The following TAFA5 variants were observed in gnomAD, a reference collection of about 807,000 sequenced individuals.
TAFA5 encodes the protein TAFA chemokine like family member 5, also known as chemokine-like protein TAFA-5.
In TAFA5, 6 loss-of-function variants were observed where a neutral mutation model predicts 15.3. The observed-to-expected ratio is 0.39, with a 90% CI of 0.21 to 0.77. The LOEUF (loss-of-function observed/expected upper bound fraction) is 0.77. TAFA5 is among the 30% of genes least tolerant of loss of function. The probability of loss-of-function intolerance (pLI) is 0.41; values close to 1 mark genes in which losing one functional copy is unlikely to be tolerated. For missense variants in TAFA5, 161 were observed against 193.1 expected (o/e 0.83, Z 0.98); for synonymous variants, 103 against 80.7 (o/e 1.28, Z -1.48).
chr22:48,702,944 G>C (rs1200776275), intron 2 of TAFA5, among the ~76,000 whole-genome samples: 1 of 152,238 alleles, frequency 6.6e-6, no homozygotes, highest in African/African-American at 2.4e-5. Flanking sequence ...CCTCGGGAGG[G>C]CCAGGCCCAG....
chr22:48,596,833 G>A (rs1291508179), intron 1 of TAFA5, among the ~76,000 whole-genome samples: 1 of 152,012 alleles, frequency 6.6e-6, no homozygotes, highest in Non-Finnish European at 1.5e-5. Flanking sequence ...TTTTGAGACA[G>A]GGTCTCCTTC....
At chr22:48,585,008 A>G (rs1182248425) in intron 1 of TAFA5, among the ~76,000 whole-genome samples, 1 of 147,224 alleles carries the variant, frequency 6.8e-6, no homozygotes, top group Non-Finnish European at 1.5e-5. Context: ...CACACACCAC[A>G]TGCAGAATAC....
At chr22:48,539,661 C>T (rs1391225652) in intron 1 of TAFA5, among the ~76,000 whole-genome samples, 2 of 152,136 alleles carry the variant, frequency 1.3e-5, no homozygotes, top group Non-Finnish European at 2.9e-5. Flanking sequence ...GGCCTGCCCA[C>T]GGGAACAGAG....
chr22:48,572,595 A>G (rs1482458164), intron 1 of TAFA5, among the ~76,000 whole-genome samples: 1 of 152,202 alleles, frequency 6.6e-6, no homozygotes, highest in African/African-American at 2.4e-5. Flanking sequence ...CTCCAGAAGC[A>G]GGTTCCTGGC....
Position 48,736,051 on chromosome 22 carries a change from C to T in TAFA5, c.391-13788C>T, listed in dbSNP as rs1430250653. 6.0e-5 allele frequency among the ~76,000 whole-genome samples: 5 copies of T among 82,854 alleles called. No individual in the cohort carries two copies. The South Asian group carries it at 2.6e-3, about 42-fold the overall frequency. The allele number at this position is 82,854 out of a possible 152,430, so 54.4% of individuals were successfully genotyped here. ...AATCGCACTCCTAGGGTCCCTCCCC[C>T]CAGGAGGAATGAGAATCGCACTCCT... On this transcript the variant is annotated intron_variant, in intron 3 of 3. Coordinates refer to ENST00000402357, the MANE Select transcript of TAFA5 (RefSeq NM_001082967.3).
chr22:48,489,685 C>A lies in TAFA5; in HGVS notation c.93C>A (p.Ser31Arg). ...STFWAFMILA[S>R]LLIAYCSQLA... ...TCTGGGCGTTCATGATCCTGGCCAG[C>A]CTGCTCATCGCCTACTGCAGTGAGT... Residue 31 changes from serine to arginine, a missense_variant, in exon 1 of 4, where the codon AGC (serine) becomes AGA (arginine). Transcript: ENST00000402357. The surrounding 1 kb of genome is among the most constrained non-coding windows in gnomAD (Gnocchi z 5.5). The A allele has an allele frequency of 6.6e-7, 1 of 1,518,026 alleles. No individual in the cohort carries two copies. Among genetic ancestry groups the A allele is most frequent in the Non-Finnish European group, 8.8e-7 (1 of 1,131,728 alleles). 94.0% of individuals were successfully genotyped at this position (1,518,026 alleles called of 1,614,324 possible).
chr22:48,548,286 T>C (rs1159886177), intron 1 of TAFA5, among the ~76,000 whole-genome samples: 1 of 152,150 alleles, frequency 6.6e-6, no homozygotes, highest in Non-Finnish European at 1.5e-5. Context: ...GCAGCTGCAG[T>C]CCCGAAGCTG....
chr22:48,578,529 T>C (rs1923904495), intron 1 of TAFA5, among the ~76,000 whole-genome samples: 1 of 152,204 alleles, frequency 6.6e-6, no homozygotes, highest in Non-Finnish European at 1.5e-5. Flanking sequence ...ATGTTTACCT[T>C]GAAGCAGACA....
intron 1 of TAFA5, among the ~76,000 whole-genome samples, chr22:48,492,396 T>C (rs902182257): frequency 5.3e-5 from 8 of 152,242 alleles, no homozygotes; most frequent in African/African-American, 1.7e-4. Flanking sequence ...TGTGTTTCTC[T>C]GCAACACATA....
chr22:48,750,041 G>A lies in TAFA5; in HGVS notation c.*194G>A. ...CGGTCTGTCCAGCCGACCCGAGGAG[G>A]CCGGACTCAGACACATAGGCGGGGG... On this transcript the variant is annotated 3_prime_UTR_variant, in exon 4 of 4. Coordinates refer to ENST00000402357, the MANE Select transcript of TAFA5 (RefSeq NM_001082967.3). 2 of 616,710 alleles carry A rather than the reference G, an allele frequency of 3.2e-6. No homozygotes were observed. The highest frequency in any genetic ancestry group is 5.7e-6 in the Non-Finnish European group (2 of 349,226). 38.2% of individuals were successfully genotyped at this position (616,710 alleles called of 1,614,324 possible).
chr22:48,535,732 CGGCACATCACACGCACGGTCACACT>C (rs1446960277), intron 1 of TAFA5, among the ~76,000 whole-genome samples: 1 of 150,470 alleles, frequency 6.6e-6, no homozygotes, highest in African/African-American at 2.5e-5. Context: ...ACAGTCACAC[CGGCACATCACACGCACGGTCACACT>C]GGCACATGTA....
rs73437810 is a variant in TAFA5 at position 48,699,787 on chromosome 22, G to T, written c.263-7930G>T. Among the ~76,000 whole-genome samples, 1,117 of 152,324 alleles carry T rather than the reference G, an allele frequency of 7.3e-3. 6 individuals are homozygous for T. The highest frequency in any genetic ancestry group is 0.015 in the African/African-American group (644 of 41,572). On this transcript the variant is annotated intron_variant, in intron 2 of 3. Transcript: ENST00000402357. ...ATTATTGCAGCGACTGCGAACAGAAGAAATGTTCATTGCATATTTACTGCT... is the reference window on the plus strand; with the variant it reads ...ATTATTGCAGCGACTGCGAACAGAATAAATGTTCATTGCATATTTACTGCT...
chr22:48,534,726 G>A (rs988384880), intron 1 of TAFA5, among the ~76,000 whole-genome samples: 7 of 152,310 alleles, frequency 4.6e-5, no homozygotes, highest in Admixed American at 6.5e-5. Flanking sequence ...ACCCTGGAAC[G>A]GGGGGAGGGG....
chr22:48,579,410 C>T (rs1923947990), intron 1 of TAFA5, among the ~76,000 whole-genome samples: 1 of 152,202 alleles, frequency 6.6e-6, no homozygotes, highest in Admixed American at 6.5e-5. Flanking sequence ...GCCGTCCTTT[C>T]TTCTGAACTG....
chr22:48,635,977 C>T (rs374207968), intron 1 of TAFA5, among the ~76,000 whole-genome samples: 310 of 152,330 alleles, frequency 2.0e-3, no homozygotes, highest in African/African-American at 7.1e-3. Flanking sequence ...GTCCAGGGCG[C>T]CTTCCTCCTC....
At chr22:48,663,989 C>T (rs1421620848) in intron 2 of TAFA5, among the ~76,000 whole-genome samples, 1 of 152,146 alleles carries the variant, frequency 6.6e-6, no homozygotes, top group Non-Finnish European at 1.5e-5. Context: ...GGAAAAAAAT[C>T]ACATGCTGAG....
chr22:48,649,861 G>A (rs901980482), intron 2 of TAFA5, among the ~76,000 whole-genome samples: 7 of 152,154 alleles, frequency 4.6e-5, no homozygotes, highest in Non-Finnish European at 1.0e-4. Flanking sequence ...CGGCAGAGTT[G>A]GGGTCAAAAT....
Position 48,646,643 on chromosome 22 carries a change from C to T in TAFA5, c.159C>T (p.Asp53=), listed in dbSNP as rs760813569. The change falls in exon 2 of 4, where the codon GAC becomes GAT. Residue 53 remains aspartate, a synonymous_variant. Transcript: ENST00000402357. ...GTCEIVTLDR[D]SSQPRRTIAR... The stretch of plus-strand genomic sequence containing the variant: ...GTGAGATTGTGACCTTGGACCGGGA[C>T]AGCAGCCAGCCTCGGAGGACGATCG... The T allele has an allele frequency of 1.2e-6, 2 of 1,612,524 alleles. No individual in the cohort carries two copies. Among genetic ancestry groups the T allele is most frequent in the Non-Finnish European group, 1.7e-6 (2 of 1,179,774 alleles).
chr22:48,520,153 C>G lies in TAFA5; in HGVS notation c.112+30449C>G, dbSNP rs116579938. Among the ~76,000 whole-genome samples, 1,106 of 152,304 alleles carry G rather than the reference C, an allele frequency of 7.3e-3. 12 individuals are homozygous for G. Among genetic ancestry groups the G allele is most frequent in the African/African-American group, 0.025 (1,057 of 41,536 alleles). On this transcript the variant is annotated intron_variant, in intron 1 of 3. Transcript: ENST00000402357. ...GCCAGCCACGCTGGAAGCTGGAGGC[C>G]ACATGTTTCCCCTGGAGCTCCCAGA... is the stretch of plus-strand genomic sequence containing the variant.
Sources: allele counts gnomAD v4.1 joint callset (sites outside exome capture counted in the v4.1 genomes callset), GRCh38; gene constraint gnomAD v4.1.1; non-coding constraint Gnocchi (gnomAD v3.1); transcripts MANE v1.5; gene names NCBI Gene and HGNC (gene_info 2026-07-23, HGNC 2026-07-21).